The following PROM1 variants were observed in gnomAD, a reference collection of about 807,000 sequenced individuals.
PROM1 encodes prominin-1.
Under a neutral mutation model 116.9 loss-of-function variants are expected in PROM1, and 105 were observed. The observed-to-expected ratio is 0.90, with a 90% CI of 0.77 to 1.06. The LOEUF (loss-of-function observed/expected upper bound fraction) is 1.06. Ranked by LOEUF, PROM1 falls within the 50% of genes least tolerant of loss-of-function variation. The pLI is 0.00. For missense variants in PROM1, 1,122 were observed against 1,045.2 expected, an observed-to-expected ratio of 1.07 and a Z score of -1.01; for synonymous variants, 393 against 387.0, an observed-to-expected ratio of 1.02 and a Z score of -0.18.
rs143528435 is a variant in PROM1, at chr4:16,024,700, C to T, written c.631-342G>A. ...ATTTGTGTGTCCGTGAGTATGTGTA[C>T]GTGTGTGTGTGTATGTGTGTGTGTG... is the stretch of plus-strand genomic sequence containing the variant. On this transcript the variant is annotated intron_variant, in intron 6 of 27. Coordinates refer to ENST00000447510, the MANE Select transcript of PROM1 (RefSeq NM_006017.3). Among the ~76,000 whole-genome samples, 160 of 151,866 alleles carry T rather than the reference C, an allele frequency of 1.1e-3. 1 individual carries two copies. Among genetic ancestry groups the T allele is most frequent in the African/African-American group, 3.6e-3 (149 of 41,438 alleles).
At chr4:15,979,815 C>A (rs1308060350) in intron 25 of PROM1, 66 bp downstream of exon 25, 3 of 1,294,056 alleles carry the variant, frequency 2.3e-6, no homozygotes, top group Non-Finnish European at 1.1e-6. Context: ...TTTTTAAAGT[C>A]CATTACATAA....
At position 16,008,992 on chromosome 4, in the gene PROM1, T is replaced by C; in HGVS notation, c.1258A>G (p.Ile420Val). The C allele has an allele frequency of 6.3e-7, 1 of 1,595,844 alleles. No homozygotes were observed. Among genetic ancestry groups the C allele is most frequent in the Admixed American group, 1.7e-5 (1 of 59,898 alleles). ...TCCAATGTAGGTAAATTTCTGTGGA[T>C]GTAACTTTCAGTGTTATTAACATAA... is the stretch of plus-strand genomic sequence containing the variant. ...SVYVNNTESY[I>V]HRNLPTLEEY... Residue 420 changes from isoleucine to valine, a missense_variant, in exon 12 of 28, where the codon ATC becomes GTC. Transcript: ENST00000447510.
At chr4:16,038,850 T>C (rs544552446) in intron 3 of PROM1, 96 bp downstream of exon 3, 7 of 1,232,436 alleles carry the variant, frequency 5.7e-6, no homozygotes, top group Admixed American at 3.4e-5. Context: ...AAATTGCAGA[T>C]TGAATAACTG....
intron 2 of PROM1, among the ~76,000 whole-genome samples, chr4:16,041,267 T>C (rs1436929314): frequency 6.6e-6 from 1 of 152,258 alleles, no homozygotes; most frequent in Non-Finnish European, 1.5e-5. Flanking sequence ...TCAGTTACAC[T>C]TAAGAAGGCT....
intron 5 of PROM1, among the ~76,000 whole-genome samples, 159 bp from the exon 6 acceptor site, chr4:16,025,471 C>A (rs530265544): frequency 1.3e-5 from 2 of 152,204 alleles, no homozygotes; most frequent in Non-Finnish European, 2.9e-5. Context: ...CCACCGCCAT[C>A]CCACAGTCAA....
intron 3 of PROM1, among the ~76,000 whole-genome samples, chr4:16,037,363 G>A (rs1205857956): frequency 1.3e-5 from 2 of 152,150 alleles, no homozygotes; most frequent in Non-Finnish European, 2.9e-5. Context: ...GGAAGGCTGT[G>A]AGCCCTGGGA....
intron 2 of PROM1, among the ~76,000 whole-genome samples, chr4:16,058,645 T>A (rs1434257094): frequency 7.2e-6 from 1 of 139,058 alleles, no homozygotes. Context: ...AGACTCCATC[T>A]CCGGGAAAAA....
chr4:16,001,686 A>C (rs751980834), intron 13 of PROM1, among the ~76,000 whole-genome samples: 38 of 152,182 alleles, frequency 2.5e-4, no homozygotes, highest in Non-Finnish European at 4.6e-4. Flanking sequence ...AAGTGCAGTC[A>C]TGGGGGAGGA....
Position 16,012,216 on chromosome 4 carries a change from C to T in PROM1, c.1141+1059G>A, listed in dbSNP as rs549504661. ...CTCACCATGTTGGCCAGGCTGATCT[C>T]GAACTCCTGACCTCAGGTGACCTAC... is the stretch of plus-strand genomic sequence containing the variant. On this transcript the variant is annotated intron_variant, in intron 11 of 27. Coordinates refer to ENST00000447510, the MANE Select transcript of PROM1 (RefSeq NM_006017.3). Among the ~76,000 whole-genome samples, 6 of 152,168 alleles carry T rather than the reference C, an allele frequency of 3.9e-5. No homozygotes were observed. The East Asian group carries it at 9.7e-4, about 25-fold the overall frequency.
rs528032929 is a variant in PROM1 at position 16,033,373 on chromosome 4, T to A, written c.440A>T (p.Gln147Leu). Reference protein sequence around the residue: ...NKCGGEMHQRQKENGPFLRKC... With the variant: ...NKCGGEMHQRLKENGPFLRKC... ...CCTCAGGAAGGGCCCATTTTCCTTCTGTCGCTGGTGCATTTCTCCACCACA... is the reference window on the plus strand; with the variant it reads ...CCTCAGGAAGGGCCCATTTTCCTTCAGTCGCTGGTGCATTTCTCCACCACA... Residue 147 changes from glutamine to leucine, a missense_variant, in exon 5 of 28, where the codon CAG becomes CTG. Physicochemically the swap from Gln to Leu is moderately radical, Grantham distance 113. Transcript: ENST00000447510. 2.5e-6 allele frequency: 4 copies of A among 1,613,968 alleles called. No individual in the cohort carries two copies. In the South Asian group the frequency reaches 4.4e-5, roughly 18 times the overall value.
intron 2 of PROM1, among the ~76,000 whole-genome samples, chr4:16,061,484 G>C (rs1554244): frequency 0.69 from 104,881 of 152,070 alleles, 37,019 homozygotes; most frequent in Non-Finnish European, 0.78. Context: ...GAATATGTAG[G>C]ATAGAGATCC....
intron 26 of PROM1, among the ~76,000 whole-genome samples, chr4:15,973,712 A>G (rs944016496): frequency 2.0e-5 from 3 of 152,144 alleles, no homozygotes; most frequent in Non-Finnish European, 4.4e-5. Flanking sequence ...ACTGGGAAAA[A>G]TAATCAAATT....
In PROM1 at chr4:15,979,861, GT is replaced by G. The variant is rs999951174; in HGVS notation, c.2513+19del. The G allele has an allele frequency of 6.9e-7, 1 of 1,441,974 alleles. No homozygotes were observed. Among genetic ancestry groups the G allele is most frequent in the Non-Finnish European group, 9.5e-7 (1 of 1,053,818 alleles). The allele number at this position is 1,441,974 out of a possible 1,614,324, so 89.3% of individuals were successfully genotyped here. On this transcript the variant is annotated intron_variant, in intron 25 of 27. Transcript: ENST00000447510. ...CTCCCCCATCCCATCTAGGAATATAGTTTTTTTAAAAAGGCTTACTTTTTCA... is the reference window on the plus strand; with the variant it reads ...CTCCCCCATCCCATCTAGGAATATAGTTTTTTAAAAAGGCTTACTTTTTCA...
At chr4:15,998,927 A>G (rs945203572) in intron 14 of PROM1, among the ~76,000 whole-genome samples, 2 of 152,170 alleles carry the variant, frequency 1.3e-5, no homozygotes, top group East Asian at 3.9e-4. Flanking sequence ...ACAGCATTTC[A>G]CCATGTTGGC....
intron 1 of PROM1, among the ~76,000 whole-genome samples, chr4:16,082,341 C>T (rs1578361971): frequency 1.3e-5 from 2 of 151,982 alleles, no homozygotes; most frequent in African/African-American, 4.8e-5. Flanking sequence ...TTGTTCGTGT[C>T]GCATGAGTCT....
At chr4:16,044,625 A>G (rs1736088781) in intron 2 of PROM1, among the ~76,000 whole-genome samples, 1 of 152,200 alleles carries the variant, frequency 6.6e-6, no homozygotes, top group South Asian at 2.1e-4. Context: ...AGTGAAAGAG[A>G]TTATTCATAT....
chr4:16,004,077 A>T (rs1724574821), intron 13 of PROM1, among the ~76,000 whole-genome samples: 1 of 152,266 alleles, frequency 6.6e-6, no homozygotes, highest in Non-Finnish European at 1.5e-5. Context: ...TAGTCTGATT[A>T]GACTGATGAC....
chr4:15,998,802 C>T lies in PROM1; in HGVS notation c.1579-314G>A, dbSNP rs148146769. Among the ~76,000 whole-genome samples, 653 of 152,120 alleles carry T rather than the reference C, an allele frequency of 4.3e-3. 3 individuals are homozygous for T. Among genetic ancestry groups the T allele is most frequent in the African/African-American group, 0.015 (602 of 41,514 alleles). ...GCGATCTCAGCTCACTGCAACCTCC[C>T]CCTTCCGGGTTAAAATGATTCTCCA... is the stretch of plus-strand genomic sequence containing the variant. On this transcript the variant is annotated intron_variant, in intron 14 of 27. Transcript: ENST00000447510.
At chr4:16,062,831 C>G (rs999755045) in intron 2 of PROM1, among the ~76,000 whole-genome samples, 1 of 152,196 alleles carries the variant, frequency 6.6e-6, no homozygotes, top group African/African-American at 2.4e-5. Context: ...AGGCAACACC[C>G]TATTAGGAAC....
Sources: gnomAD v4.1 joint callset for allele counts (sites outside exome capture counted in the v4.1 genomes callset) on GRCh38, gnomAD v4.1.1 for gene constraint, MANE v1.5 for transcripts, NCBI Gene and HGNC (gene_info 2026-07-23, HGNC 2026-07-21) for gene names.